PANK1: variants seen among roughly 807,000 people sequenced by gnomAD.
The protein encoded by PANK1 is pantothenate kinase 1.
PANK1 carries 18 observed loss-of-function variants against 40.1 expected under a neutral mutation model. The ratio of observed to expected loss-of-function variants is 0.45; its 90% confidence interval spans 0.31 to 0.67. PANK1 has a LOEUF of 0.67. Ranked by LOEUF, PANK1 falls within the 30% of genes least tolerant of loss-of-function variation. The pLI, the probability that PANK1 is intolerant of heterozygous loss-of-function variation, is 0.06. For missense variants in PANK1, 457 were observed against 599.6 expected, an observed-to-expected ratio of 0.76 and a Z score of 2.48; for synonymous variants, 242 against 237.7, an observed-to-expected ratio of 1.02 and a Z score of -0.17.
rs1367490986 is a variant in PANK1 at position 89,614,017 on chromosome 10, A to G, written c.293-1969T>C. 8.8e-6 allele frequency: 4 copies of G among 456,608 alleles called. No homozygotes were observed. The Admixed American group carries it at 9.4e-5, about 11-fold the overall frequency. 28.3% of individuals were successfully genotyped at this position (456,608 alleles called of 1,614,324 possible). On this transcript the variant is annotated intron_variant, in intron 1 of 6. Coordinates refer to ENST00000307534, the MANE Select transcript of PANK1 (RefSeq NM_148977.3). ...ATTTCTTCCCTACTATCAACTTTCC[A>G]TGAATTCCTTAAGAAATACAAAAGA...
intron 1 of PANK1, among the ~76,000 whole-genome samples, chr10:89,613,805 C>T (rs1845234269): frequency 6.6e-6 from 1 of 152,212 alleles, no homozygotes; most frequent in South Asian, 2.1e-4. Flanking sequence ...TTCTCTAAAA[C>T]TCACTGTCAG....
chr10:89,596,844 A>G (rs954641866), intron 3 of PANK1, among the ~76,000 whole-genome samples: 1 of 152,120 alleles, frequency 6.6e-6, no homozygotes, highest in Non-Finnish European at 1.5e-5. Flanking sequence ...TGCTACTTTC[A>G]CCAAAGTTTC....
Position 89,644,674 on chromosome 10 carries a change from A to G in PANK1, c.218T>C (p.Leu73Pro). Residue 73 changes from leucine (L) to proline (P), a missense_variant, in exon 1 of 7, where the codon CTC (leucine) becomes CCC (proline). Physicochemically the swap from Leu to Pro is moderately conservative, Grantham distance 98. This residue lies in a region of PANK1 where 144 missense variants were observed against 131.2 expected (regional missense o/e 1.10). Transcript: ENST00000307534. ...CTTGGCCGGGGAGTCATGCTGAGGG[A>G]GCAGTGGCTGCGGCTGCAGCTCCGG... ...LLPELQPQPL[L>P]PQHDSPAKKC... The G allele has an allele frequency of 6.4e-7, 1 of 1,565,512 alleles. No individual in the cohort carries two copies. Among genetic ancestry groups the G allele is most frequent in the Non-Finnish European group, 8.6e-7 (1 of 1,162,136 alleles).
intron 1 of PANK1, among the ~76,000 whole-genome samples, chr10:89,615,704 C>A (rs963951988): frequency 6.6e-6 from 1 of 152,134 alleles, no homozygotes; most frequent in Admixed American, 6.6e-5. Flanking sequence ...AAGAAATTGG[C>A]TTTTCTTTAC....
chr10:89,584,476 A>G lies in PANK1; in HGVS notation c.1327-11T>C, dbSNP rs1284118482. On this transcript the variant is annotated splice_polypyrimidine_tract_variant and intron_variant, in intron 6 of 6. Transcript: ENST00000307534. Reference sequence around the variant, plus strand: ...GGCTCCAAAATAACCCTACGAAAACAATACAAAACGATGATCTCTGAACCT... The same window carrying G: ...GGCTCCAAAATAACCCTACGAAAACGATACAAAACGATGATCTCTGAACCT... The G allele has an allele frequency of 1.9e-6, 3 of 1,586,066 alleles. No individual in the cohort carries two copies. Among genetic ancestry groups the G allele is most frequent in the African/African-American group, 2.7e-5 (2 of 74,402 alleles).
At chr10:89,639,763 T>C (rs1841919832) in intron 1 of PANK1, among the ~76,000 whole-genome samples, 1 of 152,196 alleles carries the variant, frequency 6.6e-6, no homozygotes, top group South Asian at 2.1e-4. Context: ...GTTTCCTCAT[T>C]TGTAAAAGGA....
At chr10:89,643,975 T>A in intron 1 of PANK1, 1 of 801,400 alleles carries the variant, frequency 1.2e-6, no homozygotes, top group Non-Finnish European at 1.8e-6. Flanking sequence ...CAATCCTCAT[T>A]GGTCCACATA....
chr10:89,642,424 G>T (rs984975805), intron 1 of PANK1, among the ~76,000 whole-genome samples: 1 of 152,226 alleles, frequency 6.6e-6, no homozygotes, highest in African/African-American at 2.4e-5. Flanking sequence ...TAACTGACCA[G>T]GAGGAAATAA....
chr10:89,587,330 G>GT (rs1844225444), intron 6 of PANK1, among the ~76,000 whole-genome samples: 1 of 152,122 alleles, frequency 6.6e-6, no homozygotes, highest in Non-Finnish European at 1.5e-5. Context: ...TTTATGACAG[G>GT]TTGATTGTAA....
intron 1 of PANK1, among the ~76,000 whole-genome samples, chr10:89,625,397 T>C (rs1290713848): frequency 6.6e-6 from 1 of 152,202 alleles, no homozygotes; most frequent in Non-Finnish European, 1.5e-5. Flanking sequence ...TAATAGGTGA[T>C]TTTCAAATTT....
intron 1 of PANK1, among the ~76,000 whole-genome samples, chr10:89,613,186 T>C (rs1278377005): frequency 6.6e-6 from 1 of 152,186 alleles, no homozygotes; most frequent in Admixed American, 6.5e-5. Flanking sequence ...CAAACCCAAA[T>C]GGGAACCCAA....
At chr10:89,598,032 G>T (rs1351845546) in intron 3 of PANK1, among the ~76,000 whole-genome samples, 1 of 152,022 alleles carries the variant, frequency 6.6e-6, no homozygotes, top group Non-Finnish European at 1.5e-5. Context: ...TGCATGCCAG[G>T]GTTTCTCAAC....
chr10:89,581,208 C>T (rs1165134206), downstream of PANK1: 1 of 152,144 alleles, frequency 6.6e-6, no homozygotes, highest in Non-Finnish European at 1.5e-5. Context: ...GCATCTTAGT[C>T]TCCAGTTCCT....
intron 2 of PANK1, among the ~76,000 whole-genome samples, chr10:89,606,078 T>C (rs1160279114): frequency 2.0e-5 from 3 of 152,342 alleles, no homozygotes; most frequent in East Asian, 3.9e-4. Context: ...TAGTAAACCA[T>C]GTTATAAACA....
At chr10:89,598,933 T>C (rs1299809608) in intron 3 of PANK1, among the ~76,000 whole-genome samples, 1 of 152,218 alleles carries the variant, frequency 6.6e-6, no homozygotes, top group Non-Finnish European at 1.5e-5. Context: ...CCATCCCAAG[T>C]ATCCTTCCAT....
intron 1 of PANK1, among the ~76,000 whole-genome samples, chr10:89,629,659 G>A (rs975277413): frequency 6.6e-6 from 1 of 152,186 alleles, no homozygotes; most frequent in Non-Finnish European, 1.5e-5. Flanking sequence ...GAACAGTGAT[G>A]CTTGTTCAAC....
intron 3 of PANK1, among the ~76,000 whole-genome samples, chr10:89,595,679 C>G (rs1258183154): frequency 6.7e-6 from 1 of 149,260 alleles, no homozygotes; most frequent in Non-Finnish European, 1.5e-5. Flanking sequence ...AATTAGCCAG[C>G]CTTGGTGGCA....
At chr10:89,623,457 C>G (rs1216955404) in intron 1 of PANK1, among the ~76,000 whole-genome samples, 2 of 151,940 alleles carry the variant, frequency 1.3e-5, no homozygotes, top group Non-Finnish European at 2.9e-5. Context: ...ATCTTCTGAC[C>G]TCGCGATTCT....
chr10:89,620,668 C>CT (rs1175749943), intron 1 of PANK1, among the ~76,000 whole-genome samples: 3 of 152,162 alleles, frequency 2.0e-5, no homozygotes, highest in Non-Finnish European at 4.4e-5. Flanking sequence ...CCCTTGTGAT[C>CT]TTTTATTGCC....
Sources: allele counts gnomAD v4.1 joint callset (sites outside exome capture counted in the v4.1 genomes callset), GRCh38; gene constraint gnomAD v4.1.1; regional missense constraint gnomAD v4.1.1; transcripts MANE v1.5; gene names NCBI Gene and HGNC (gene_info 2026-07-23, HGNC 2026-07-21).